PKNOX1: variants seen among roughly 807,000 people sequenced by gnomAD.
PKNOX1 encodes homeobox protein PKNOX1.
A neutral mutation model predicts 51.9 loss-of-function variants in PKNOX1; 15 were observed. The observed-to-expected ratio is 0.29, with a 90% CI of 0.19 to 0.45. The LOEUF (loss-of-function observed/expected upper bound fraction) is 0.45. Ranked by LOEUF, PKNOX1 falls within the 20% of genes least tolerant of loss-of-function variation. The pLI, the probability that PKNOX1 is intolerant of heterozygous loss-of-function variation, is 1.00. For synonymous variants in PKNOX1, 219 were observed against 211.1 expected, an observed-to-expected ratio of 1.04 and a Z score of -0.32; for missense variants, 462 against 547.5, an observed-to-expected ratio of 0.84 and a Z score of 1.56.
At chr21:43,003,309 C>G (rs1978844554) in intron 1 of PKNOX1, among the ~76,000 whole-genome samples, 3 of 152,224 alleles carry the variant, frequency 2.0e-5, no homozygotes, top group Admixed American at 2.0e-4. Context: ...TTTCCACACC[C>G]ATGCTGCAGG....
At chr21:43,002,735 G>T (rs1337211885) in intron 1 of PKNOX1, among the ~76,000 whole-genome samples, 1 of 152,110 alleles carries the variant, frequency 6.6e-6, no homozygotes. Context: ...TTTGTTTTTG[G>T]AGATGGAGTC....
intron 1 of PKNOX1, among the ~76,000 whole-genome samples, chr21:42,984,974 C>CTTTTTTTTTTTTTTTTTTTTTT (rs71195904): frequency 3.4e-5 from 2 of 57,998 alleles, no homozygotes; most frequent in African/African-American, 1.4e-4. Context: ...ATTTTCTTTT[C>CTTTTTTTTTTTTTTTTTTTTTT]TTTTTTTTTT....
chr21:43,002,305 C>A (rs1291956440), intron 1 of PKNOX1, among the ~76,000 whole-genome samples: 1 of 152,148 alleles, frequency 6.6e-6, no homozygotes, highest in African/African-American at 2.4e-5. Context: ...AATGTCCCAA[C>A]ATGCCCTCCC....
chr21:43,001,460 G>T (rs1227487618), intron 1 of PKNOX1, among the ~76,000 whole-genome samples: 1 of 152,070 alleles, frequency 6.6e-6, no homozygotes, highest in South Asian at 2.1e-4. Context: ...TGTCCTTGCC[G>T]TGGCTGGCAC....
chr21:43,021,513 C>A lies in PKNOX1; in HGVS notation c.849+82C>A. 2.8e-6 allele frequency: 4 copies of A among 1,435,456 alleles called. No homozygotes were observed. In the South Asian group the frequency reaches 5.5e-5, roughly 20 times the overall value. The allele number at this position is 1,435,456 out of a possible 1,614,324, so 88.9% of individuals were successfully genotyped here. ...GCTTATGTGTCATGGAAAAGGGTTA[C>A]TTCTCTGGGCTCAGAAAATCAAAGG... On this transcript the variant is annotated intron_variant, in intron 8 of 10. Coordinates refer to ENST00000291547, the MANE Select transcript of PKNOX1 (RefSeq NM_004571.5). This position sits in a 1 kb window ranked among gnomAD's most constrained non-coding sequence, Gnocchi z 4.6.
chr21:42,988,906 T>C (rs1321420926), intron 1 of PKNOX1, among the ~76,000 whole-genome samples: 1 of 146,238 alleles, frequency 6.8e-6, no homozygotes, highest in Non-Finnish European at 1.5e-5. Context: ...GCGGGCTGGA[T>C]GAGGACCCCT....
At position 42,981,122 on chromosome 21, in the gene PKNOX1, C is replaced by G. The variant is rs545069939; in HGVS notation, c.-57+6458C>G. Among the ~76,000 whole-genome samples, 5 of 152,332 alleles carry G rather than the reference C, an allele frequency of 3.3e-5. No homozygotes were observed. The East Asian group carries it at 9.6e-4, about 29-fold the overall frequency. On this transcript the variant is annotated intron_variant, in intron 1 of 10. Transcript: ENST00000291547. ...TACCATCTTGCATCCGTGTGCAGCA[C>G]TGAGTGGATACCTCATGGTTCTGTC...
Position 43,033,719 on chromosome 21 carries a change from C to T in PKNOX1, c.*3618C>T, listed in dbSNP as rs145945280. 9 of 152,320 alleles carry T rather than the reference C, an allele frequency of 5.9e-5. No homozygotes were observed. Among genetic ancestry groups the T allele is most frequent in the African/African-American group, 2.2e-4 (9 of 41,582 alleles). 9.4% of individuals were successfully genotyped at this position (152,320 alleles called of 1,614,324 possible). A position where few individuals can be genotyped will look rare whatever the true frequency, so the allele number is the denominator to read the frequency against. ...CCTGCATATTGAGAAACTAGGACCA[C>T]ACTGCATCGGACTAGTCAGGTCCAT... On this transcript the variant is annotated 3_prime_UTR_variant, in exon 11 of 11. Coordinates refer to ENST00000291547, the MANE Select transcript of PKNOX1 (RefSeq NM_004571.5).
At chr21:42,995,748 T>C (rs1601280705) in intron 1 of PKNOX1, among the ~76,000 whole-genome samples, 1 of 152,310 alleles carries the variant, frequency 6.6e-6, no homozygotes, top group Non-Finnish European at 1.5e-5. Flanking sequence ...TTTCTCATAC[T>C]TTCACAAACT....
chr21:43,000,802 G>C (rs965558059), intron 1 of PKNOX1, among the ~76,000 whole-genome samples: 4 of 152,190 alleles, frequency 2.6e-5, no homozygotes, highest in Non-Finnish European at 2.9e-5. Context: ...AGCATCTCTT[G>C]AGTTCAGGAA....
intron 1 of PKNOX1, among the ~76,000 whole-genome samples, chr21:42,994,937 TTTA>T (rs1978427449): frequency 6.8e-6 from 1 of 148,066 alleles, no homozygotes. Flanking sequence ...TTTTTTTTTT[TTTA>T]AGACAGAGTC....
intron 1 of PKNOX1, among the ~76,000 whole-genome samples, chr21:42,987,404 A>AAAAAAAATAT: frequency 4.8e-5 from 2 of 41,408 alleles, no homozygotes; most frequent in African/African-American, 1.9e-4. Context: ...AAAAAAAAAA[A>AAAAAAAATAT]ATATATATAT....
chr21:42,989,969 C>T (rs561951548), intron 1 of PKNOX1, among the ~76,000 whole-genome samples: 3 of 152,058 alleles, frequency 2.0e-5, no homozygotes, highest in Admixed American at 6.6e-5. Context: ...TGTGGTGGTG[C>T]ATGCCTGTGG....
chr21:42,981,748 A>AC (rs1282570412), intron 1 of PKNOX1, among the ~76,000 whole-genome samples: 1 of 152,092 alleles, frequency 6.6e-6, no homozygotes, highest in Non-Finnish European at 1.5e-5. Flanking sequence ...GCCGTCTGCG[A>AC]TTGACGCTGG....
chr21:43,003,933 AT>A (rs1978873624), intron 1 of PKNOX1: 1 of 157,848 alleles, frequency 6.3e-6, no homozygotes, highest in Admixed American at 6.2e-5. Context: ...AAAAATATGT[AT>A]TTTTAAAAAT....
chr21:43,032,109 C>T lies in PKNOX1; in HGVS notation c.*2008C>T, dbSNP rs111320868. On this transcript the variant is annotated 3_prime_UTR_variant, in exon 11 of 11. Transcript: ENST00000291547. ...TCCCGACCTCAGGTGATCTGCCTGC[C>T]TCAGCCTCCCAAAGTGCTGGGATTA... 4.8e-3 allele frequency: 2,178 copies of T among 453,142 alleles called. 46 individuals carry two copies. Among genetic ancestry groups the T allele is most frequent in the African/African-American group, 0.04 (2,019 of 50,006 alleles). 28.1% of individuals were successfully genotyped at this position (453,142 alleles called of 1,614,324 possible). A position where few individuals can be genotyped will look rare whatever the true frequency, so the allele number is the denominator to read the frequency against.
At chr21:42,978,809 G>A (rs2059011735) in intron 1 of PKNOX1, among the ~76,000 whole-genome samples, 2 of 151,734 alleles carry the variant, frequency 1.3e-5, no homozygotes, top group African/African-American at 4.8e-5. Context: ...TTAAAGAGAT[G>A]AAGTCTCCCT....
At chr21:43,017,150 CCT>C in intron 6 of PKNOX1, 143 bp downstream of exon 6, 1 of 493,022 alleles carries the variant, frequency 2.0e-6, no homozygotes, top group Non-Finnish European at 3.6e-6. Context: ...TCTCTGAATG[CCT>C]CTTTCTTGTT....
At chr21:43,012,750 C>G (rs1979309586) in intron 4 of PKNOX1, among the ~76,000 whole-genome samples, 1 of 152,150 alleles carries the variant, frequency 6.6e-6, no homozygotes, top group South Asian at 2.1e-4. Flanking sequence ...GGGTGAGTCA[C>G]TTGTCCTGCC....
Sources: allele counts gnomAD v4.1 joint callset (sites outside exome capture counted in the v4.1 genomes callset), GRCh38; gene constraint gnomAD v4.1.1; non-coding constraint Gnocchi (gnomAD v3.1); transcripts MANE v1.5; gene names NCBI Gene and HGNC (gene_info 2026-07-23, HGNC 2026-07-21).